The following TRPM3 variants were observed in gnomAD, a reference collection of about 807,000 sequenced individuals.
The protein encoded by TRPM3 is transient receptor potential cation channel subfamily M member 3.
TRPM3 carries 77 observed loss-of-function variants against 181.2 expected under a neutral mutation model. That is an observed-to-expected ratio of 0.42 (90% CI 0.35 to 0.51). TRPM3 has a LOEUF of 0.51. Among genes scored for constraint, TRPM3 ranks in the 20% least tolerant of loss-of-function variants. The pLI is 0.01. For synonymous variants in TRPM3, 745 were observed against 796.4 expected (o/e 0.94, Z 1.09); for missense variants, 1,759 against 2,196.7 (o/e 0.80, Z 3.98).
intron 22 of TRPM3, among the ~76,000 whole-genome samples, chr9:70,580,298 CCAA>C (rs1198822267): frequency 7.9e-5 from 12 of 152,154 alleles, no homozygotes; most frequent in Non-Finnish European, 1.5e-4. Flanking sequence ...CTGCGAATTT[CCAA>C]CAAGATCCAA....
In TRPM3 at chr9:70,591,016, C is replaced by A; in HGVS notation, c.3223+15G>T. 3 of 1,614,132 alleles carry A rather than the reference C, an allele frequency of 1.9e-6. No individual in the cohort carries two copies. Among genetic ancestry groups the A allele is most frequent in the Non-Finnish European group, 2.5e-6 (3 of 1,179,996 alleles). On this transcript the variant is annotated intron_variant, in intron 22 of 25. Transcript: ENST00000677713. ...ATACCTGACTTTGGTGTATGAGAATCATAAACTTGCTTACGGTCTATCTGG... is the reference window on the plus strand; with the variant it reads ...ATACCTGACTTTGGTGTATGAGAATAATAAACTTGCTTACGGTCTATCTGG...
intron 1 of TRPM3, among the ~76,000 whole-genome samples, chr9:71,289,066 C>T (rs1353790841): frequency 6.6e-6 from 1 of 151,938 alleles, no homozygotes; most frequent in African/African-American, 2.4e-5. Flanking sequence ...CGTGTAGCAC[C>T]TCTAATGCCA....
intron 1 of TRPM3, among the ~76,000 whole-genome samples, chr9:71,276,926 G>GT (rs1208865734): frequency 2.0e-5 from 3 of 152,152 alleles, no homozygotes; most frequent in African/African-American, 7.2e-5. Context: ...GAAAAAATAA[G>GT]TTGTGATATG....
At chr9:70,539,387 ACCC>A (rs2042653523) in intron 25 of TRPM3, among the ~76,000 whole-genome samples, 1 of 149,488 alleles carries the variant, frequency 6.7e-6, no homozygotes, top group Admixed American at 6.7e-5. Flanking sequence ...CTCTCTCAGG[ACCC>A]CCCACCCCGA....
chr9:70,617,475 T>C (rs1029710542), intron 17 of TRPM3, among the ~76,000 whole-genome samples: 1 of 152,046 alleles, frequency 6.6e-6, no homozygotes, highest in African/African-American at 2.4e-5. Flanking sequence ...GTTGCAGATA[T>C]GTAGGATGAG....
chr9:71,364,724 C>T (rs1014943157), intron 1 of TRPM3, among the ~76,000 whole-genome samples: 4 of 152,130 alleles, frequency 2.6e-5, no homozygotes, highest in Admixed American at 2.6e-4. Flanking sequence ...AGTAGTATGT[C>T]TCATTAAGTA....
intron 4 of TRPM3, among the ~76,000 whole-genome samples, chr9:70,845,936 T>C (rs1013383465): frequency 1.6e-4 from 24 of 152,224 alleles, no homozygotes; most frequent in Non-Finnish European, 2.1e-4. Flanking sequence ...AATAAACACG[T>C]AATGCCCTAG....
Position 70,620,075 on chromosome 9 carries a change from C to T in TRPM3, c.2129+1G>A. ...CAGCCCATTTTGCTGGGCGGACCCA[C>T]CTGGAATTGTGATTCAGCTCCTGGG... On this transcript the variant is annotated splice_donor_variant, in intron 16 of 25. Transcript: ENST00000677713. LOFTEE classifies it high-confidence loss of function. 1 of 1,602,186 alleles carries T rather than the reference C, an allele frequency of 6.2e-7. No individual in the cohort carries two copies. Among genetic ancestry groups the T allele is most frequent in the Non-Finnish European group, 8.5e-7 (1 of 1,171,204 alleles).
intron 1 of TRPM3, among the ~76,000 whole-genome samples, chr9:71,280,405 T>C (rs185599203): frequency 3.6e-4 from 55 of 152,274 alleles, no homozygotes; most frequent in Non-Finnish European, 5.9e-4. Context: ...ATGTATGTTA[T>C]GTGTGATGCT....
Position 71,060,054 on chromosome 9 carries a change from G to T in TRPM3, c.177+61124C>A, listed in dbSNP as rs189773459. ...ACATTTGAAGGTCTGAAATGTAGAA[G>T]AGAATCAGACTTGCTCTGTATTGCC... On this transcript the variant is annotated intron_variant, in intron 1 of 25. Coordinates refer to ENST00000677713, the MANE Select transcript of TRPM3 (RefSeq NM_001366145.2). 2.6e-5 allele frequency among the ~76,000 whole-genome samples: 4 copies of T among 152,244 alleles called. No individual in the cohort carries two copies. The East Asian group carries it at 7.7e-4, about 29-fold the overall frequency.
At chr9:70,746,943 AG>A (rs1341033916) in intron 8 of TRPM3, among the ~76,000 whole-genome samples, 1 of 152,214 alleles carries the variant, frequency 6.6e-6, no homozygotes, top group Admixed American at 6.5e-5. Context: ...ATCAAATCCA[AG>A]CCCATAAACC....
At chr9:70,576,322 C>G (rs909446016) in intron 22 of TRPM3, among the ~76,000 whole-genome samples, 2 of 152,116 alleles carry the variant, frequency 1.3e-5, no homozygotes, top group African/African-American at 4.8e-5. Context: ...GACCATCAAC[C>G]TTTGGCAGTG....
intron 1 of TRPM3, among the ~76,000 whole-genome samples, chr9:70,917,830 T>C (rs1309172077): frequency 6.6e-6 from 1 of 151,826 alleles, no homozygotes; most frequent in Non-Finnish European, 1.5e-5. Context: ...GACTAAAGTC[T>C]CCAATCAAAA....
intron 6 of TRPM3, among the ~76,000 whole-genome samples, chr9:70,789,021 T>A (rs186402236): frequency 6.6e-6 from 1 of 152,308 alleles, no homozygotes; most frequent in Admixed American, 6.5e-5. Flanking sequence ...TGGGGACTCC[T>A]GGTTAGGATA....
At chr9:71,016,756 T>C (rs1473390701) in intron 1 of TRPM3, among the ~76,000 whole-genome samples, 3 of 152,196 alleles carry the variant, frequency 2.0e-5, no homozygotes. Flanking sequence ...TTTTCAATTC[T>C]TTTTGGTATA....
intron 1 of TRPM3, among the ~76,000 whole-genome samples, chr9:71,210,705 T>C (rs1032506884): frequency 6.6e-6 from 1 of 152,236 alleles, no homozygotes; most frequent in Admixed American, 6.5e-5. Context: ...GACTTTGTCT[T>C]AATGTGTTCT....
At position 70,531,336 on chromosome 9, in the gene TRPM3, ATT is replaced by A. The variant is rs1173969064; in HGVS notation, c.*4615_*4616del. Reference sequence around the variant, plus strand: ...CTTGGTTACTTTTTTTTTGTTTTTAATTTTTCAAAACTGAACATAATCCCCAT... The same window carrying A: ...CTTGGTTACTTTTTTTTTGTTTTTAATTTCAAAACTGAACATAATCCCCAT... On this transcript the variant is annotated 3_prime_UTR_variant, in exon 26 of 26. Transcript: ENST00000677713. 6.6e-6 allele frequency: 1 copy of A among 151,954 alleles called. No homozygotes were observed. The highest frequency in any genetic ancestry group is 2.4e-5 in the African/African-American group (1 of 41,392). The allele number at this position is 151,954 out of a possible 1,614,324, so 9.4% of individuals were successfully genotyped here.
chr9:70,977,280 T>A (rs3095766), intron 1 of TRPM3, among the ~76,000 whole-genome samples: 106,636 of 151,964 alleles, frequency 0.7, 37,416 homozygotes, highest in South Asian at 0.73. Context: ...GACTACAGGC[T>A]CGCGCCACCA....
chr9:71,189,000 A>G (rs1265245799), intron 1 of TRPM3, among the ~76,000 whole-genome samples: 1 of 151,926 alleles, frequency 6.6e-6, no homozygotes, highest in African/African-American at 2.4e-5. Context: ...ACAGAAAGAC[A>G]TTGATTGTTC....
Sources: gnomAD v4.1 joint callset for allele counts (sites outside exome capture counted in the v4.1 genomes callset) on GRCh38, gnomAD v4.1.1 for gene constraint, MANE v1.5 for transcripts, NCBI Gene and HGNC (gene_info 2026-07-23, HGNC 2026-07-21) for gene names.